Variants in DOK6 observed in about 807,000 individuals in gnomAD.
DOK6 encodes the protein downstream of tyrosine kinase 6.
In DOK6, 22 loss-of-function variants were observed where a neutral mutation model predicts 44.0. That is an observed-to-expected ratio of 0.50 (90% CI 0.36 to 0.71). The LOEUF is 0.71. DOK6 is among the 30% of genes least tolerant of loss of function. The pLI is 0.00. For synonymous variants in DOK6, 166 were observed against 145.5 expected (o/e 1.14, Z -1.01); for missense variants, 340 against 416.4 (o/e 0.82, Z 1.60).
At chr18:69,512,332 C>CTTTTTTT (rs548031851) in intron 1 of DOK6, among the ~76,000 whole-genome samples, 2 of 91,690 alleles carry the variant, frequency 2.2e-5, no homozygotes, top group East Asian at 3.6e-4. Context: ...CTTTCTTCTT[C>CTTTTTTT]TTTTTTTTTT....
chr18:69,806,724 G>A (rs1362619157), intron 7 of DOK6, among the ~76,000 whole-genome samples: 1 of 151,886 alleles, frequency 6.6e-6, no homozygotes, highest in African/African-American at 2.4e-5. Flanking sequence ...TAGGTAATCA[G>A]AGACTCACAC....
At position 69,401,295 on chromosome 18, in the gene DOK6, C is replaced by A. The variant is rs1916092225; in HGVS notation, c.51C>A (p.Arg17=). 1 of 1,581,600 alleles carries A rather than the reference C, an allele frequency of 6.3e-7. No individual in the cohort carries two copies. Among genetic ancestry groups the A allele is most frequent in the Non-Finnish European group, 8.6e-7 (1 of 1,164,422 alleles). The change falls in exon 1 of 8, where the codon CGC becomes CGA. Residue 17 remains arginine, a synonymous_variant. Transcript: ENST00000382713. ...DIVKQGYVKI[R]SRKLGIFRRC... is the part of the protein sequence containing the mutation. ...TCAAGCAGGGCTACGTGAAAATCCG[C>A]AGCAGGAAGCTTGGGGTGAGTGGCT...
intron 1 of DOK6, among the ~76,000 whole-genome samples, chr18:69,533,962 A>G (rs938059783): frequency 6.6e-6 from 1 of 152,200 alleles, no homozygotes; most frequent in African/African-American, 2.4e-5. Flanking sequence ...AAATGTAGAT[A>G]TGCATGCCTA....
At chr18:69,581,833 A>G (rs890471693) in intron 2 of DOK6, among the ~76,000 whole-genome samples, 3 of 152,220 alleles carry the variant, frequency 2.0e-5, no homozygotes, top group Non-Finnish European at 4.4e-5. Flanking sequence ...GATATGGCCA[A>G]TAATGCCCCC....
intron 1 of DOK6, among the ~76,000 whole-genome samples, chr18:69,517,080 T>C (rs964293987): frequency 6.6e-6 from 1 of 152,158 alleles, no homozygotes; most frequent in African/African-American, 2.4e-5. Flanking sequence ...AGATTGTAAT[T>C]TTTGAATCTA....
intron 5 of DOK6, among the ~76,000 whole-genome samples, chr18:69,701,971 A>G (rs1986530327): frequency 6.6e-6 from 1 of 152,230 alleles, no homozygotes; most frequent in South Asian, 2.1e-4. Context: ...GATAAAACAG[A>G]AAGTTCTTAA....
At chr18:69,769,804 A>G (rs1456050887) in intron 7 of DOK6, among the ~76,000 whole-genome samples, 1 of 152,160 alleles carries the variant, frequency 6.6e-6, no homozygotes, top group Non-Finnish European at 1.5e-5. Flanking sequence ...GCAGTGAGAC[A>G]CTAAGAGTCA....
chr18:69,737,720 A>G (rs753236333), intron 5 of DOK6, among the ~76,000 whole-genome samples: 4 of 152,180 alleles, frequency 2.6e-5, no homozygotes, highest in African/African-American at 7.2e-5. Flanking sequence ...AGAGACAAAA[A>G]TCCCTCCTGT....
intron 2 of DOK6, among the ~76,000 whole-genome samples, chr18:69,567,268 C>A (rs886970212): frequency 2.0e-5 from 3 of 152,092 alleles, no homozygotes; most frequent in Non-Finnish European, 4.4e-5. Flanking sequence ...CTGATCTTCA[C>A]TTCTTGATAA....
intron 6 of DOK6, among the ~76,000 whole-genome samples, chr18:69,743,452 G>A (rs1391905688): frequency 6.6e-6 from 1 of 152,144 alleles, no homozygotes; most frequent in East Asian, 1.9e-4. Flanking sequence ...ATGTGACTTA[G>A]CCTGTTAAGG....
At chr18:69,449,611 A>C (rs1979399218) in intron 1 of DOK6, among the ~76,000 whole-genome samples, 5 of 152,248 alleles carry the variant, frequency 3.3e-5, no homozygotes, top group Admixed American at 2.6e-4. Flanking sequence ...GGGGCAGGGC[A>C]CAGACAAACA....
At chr18:69,401,367 C>T (rs985484531) in intron 1 of DOK6, 57 bp downstream of exon 1, 9 of 1,390,224 alleles carry the variant, frequency 6.5e-6, no homozygotes, top group African/African-American at 4.0e-5. Flanking sequence ...CGGCTGGCTG[C>T]CTGGGGGGGG....
At chr18:69,756,706 G>A (rs1424431784) in intron 6 of DOK6, among the ~76,000 whole-genome samples, 2 of 152,174 alleles carry the variant, frequency 1.3e-5, no homozygotes, top group Non-Finnish European at 2.9e-5. Context: ...GCAGAAGTAT[G>A]TGACCCATCC....
chr18:69,729,257 C>A (rs953234274), intron 5 of DOK6, among the ~76,000 whole-genome samples: 2 of 152,132 alleles, frequency 1.3e-5, no homozygotes, highest in Admixed American at 1.3e-4. Context: ...ACCAAAGATT[C>A]TGTATTCTGT....
At chr18:69,542,071 G>A (rs1319839276) in intron 1 of DOK6, among the ~76,000 whole-genome samples, 3 of 151,540 alleles carry the variant, frequency 2.0e-5, no homozygotes, top group African/African-American at 7.3e-5. Context: ...CCTTGTGTGT[G>A]GGATTTAGGC....
chr18:69,567,955 A>C (rs1983024685), intron 2 of DOK6, among the ~76,000 whole-genome samples: 2 of 152,276 alleles, frequency 1.3e-5, no homozygotes, highest in South Asian at 4.1e-4. Flanking sequence ...TCCCACTCAC[A>C]GCTGCATGGC....
chr18:69,533,397 C>G (rs1982037213), intron 1 of DOK6, among the ~76,000 whole-genome samples: 1 of 151,998 alleles, frequency 6.6e-6, no homozygotes, highest in African/African-American at 2.4e-5. Flanking sequence ...CAGAATAAGT[C>G]ATGTCTAATG....
chr18:69,537,228 G>C (rs745901137), intron 1 of DOK6, among the ~76,000 whole-genome samples: 7 of 152,246 alleles, frequency 4.6e-5, no homozygotes, highest in Non-Finnish European at 1.0e-4. Flanking sequence ...TGAACCTTGA[G>C]CTCACTTCTG....
At chr18:69,633,822 A>G (rs1201199554) in intron 3 of DOK6, among the ~76,000 whole-genome samples, 1 of 152,182 alleles carries the variant, frequency 6.6e-6, no homozygotes, top group African/African-American at 2.4e-5. Context: ...GAGACCATTT[A>G]ACAAATATTT....
Sources: allele counts gnomAD v4.1 joint callset (sites outside exome capture counted in the v4.1 genomes callset), GRCh38; gene constraint gnomAD v4.1.1; transcripts MANE v1.5; gene names NCBI Gene and HGNC (gene_info 2026-07-23, HGNC 2026-07-21).